FAM107B: variants seen among roughly 807,000 people sequenced by gnomAD.
The protein encoded by FAM107B is protein FAM107B.
A neutral mutation model predicts 31.5 loss-of-function variants in FAM107B; 21 were observed. The observed-to-expected ratio is 0.67, with a 90% CI of 0.47 to 0.96. The LOEUF is 0.96. Ranked by LOEUF, FAM107B falls within the 40% of genes least tolerant of loss-of-function variation. FAM107B has a pLI of 0.00. For synonymous variants in FAM107B, 157 were observed against 141.5 expected, an observed-to-expected ratio of 1.11 and a Z score of -0.78; for missense variants, 452 against 377.1, an observed-to-expected ratio of 1.20 and a Z score of -1.64.
At chr10:14,707,467 G>A (rs1161584434) in intron 1 of FAM107B, among the ~76,000 whole-genome samples, 1 of 152,182 alleles carries the variant, frequency 6.6e-6, no homozygotes, top group Non-Finnish European at 1.5e-5. Context: ...TGAGGCACAA[G>A]GACAAAAAGA....
chr10:14,655,323 G>A (rs1854018630), intron 2 of FAM107B, among the ~76,000 whole-genome samples: 1 of 152,224 alleles, frequency 6.6e-6, no homozygotes, highest in South Asian at 2.1e-4. Context: ...AACCATAGCA[G>A]TAGTAAGTAG....
chr10:14,716,035 T>C (rs1855771782), intron 1 of FAM107B, among the ~76,000 whole-genome samples: 1 of 152,192 alleles, frequency 6.6e-6, no homozygotes, highest in African/African-American at 2.4e-5. Context: ...ATATATAGAA[T>C]ATATACTTCT....
chr10:14,595,349 G>T (rs933740662), intron 2 of FAM107B, among the ~76,000 whole-genome samples: 1 of 150,406 alleles, frequency 6.6e-6, no homozygotes, highest in Non-Finnish European at 1.5e-5. Context: ...CAGCAAAAAT[G>T]ATTGAAAACG....
intron 2 of FAM107B, among the ~76,000 whole-genome samples, chr10:14,570,245 T>G (rs1001157008): frequency 6.6e-6 from 1 of 150,704 alleles, no homozygotes; most frequent in Admixed American, 6.6e-5. Context: ...TGTGTGTGTG[T>G]GTGTGTGTGT....
chr10:14,676,639 A>G (rs944636129), intron 1 of FAM107B, among the ~76,000 whole-genome samples: 3 of 152,030 alleles, frequency 2.0e-5, no homozygotes, highest in African/African-American at 7.3e-5. Flanking sequence ...CTCCGTCTGA[A>G]GCTCTACCCC....
chr10:14,524,053 G>A (rs561732289), intron 3 of FAM107B, among the ~76,000 whole-genome samples: 84 of 121,088 alleles, frequency 6.9e-4, no homozygotes, highest in African/African-American at 2.2e-3. Flanking sequence ...TTTTTTTTTC[G>A]TTTTTGAGAT....
intron 2 of FAM107B, among the ~76,000 whole-genome samples, chr10:14,657,518 C>A (rs183855289): frequency 2.0e-5 from 3 of 152,284 alleles, no homozygotes; most frequent in South Asian, 2.1e-4. Context: ...TTCACCCCCA[C>A]CCCTGGTCAC....
At chr10:14,735,118 C>T (rs1045181481) in intron 1 of FAM107B, among the ~76,000 whole-genome samples, 1 of 152,170 alleles carries the variant, frequency 6.6e-6, no homozygotes, top group Non-Finnish European at 1.5e-5. Context: ...CCTGTCCATT[C>T]CAGCGGATAA....
At chr10:14,726,144 C>G (rs1295208944) in intron 1 of FAM107B, among the ~76,000 whole-genome samples, 4 of 152,156 alleles carry the variant, frequency 2.6e-5, no homozygotes, top group Non-Finnish European at 5.9e-5. Flanking sequence ...CAGGCTTGCA[C>G]CACCACACCT....
At chr10:14,525,471 C>T (rs1299167248) in intron 3 of FAM107B, among the ~76,000 whole-genome samples, 1 of 152,206 alleles carries the variant, frequency 6.6e-6, no homozygotes, top group Non-Finnish European at 1.5e-5. Context: ...AAACCCTCTC[C>T]ATTAAACGAA....
intron 1 of FAM107B, chr10:14,723,669 A>C (rs1311484638): frequency 2.7e-6 from 2 of 741,458 alleles, no homozygotes; most frequent in African/African-American, 3.4e-5. Context: ...GCTGGCAGTC[A>C]GCTCTGGGGT....
At chr10:14,529,360 G>A (rs1846682981) in intron 3 of FAM107B, among the ~76,000 whole-genome samples, 3 of 152,160 alleles carry the variant, frequency 2.0e-5, no homozygotes, top group African/African-American at 7.2e-5. Flanking sequence ...TCTAGAGGGA[G>A]AAACGTATTT....
At chr10:14,568,279 A>C (rs941460000) in intron 2 of FAM107B, among the ~76,000 whole-genome samples, 2 of 150,676 alleles carry the variant, frequency 1.3e-5, no homozygotes, top group Non-Finnish European at 3.0e-5. Context: ...CAAGGGAGCC[A>C]AGGCAGCACT....
At chr10:14,740,101 GA>G (rs1442147252) in intron 1 of FAM107B, among the ~76,000 whole-genome samples, 1 of 152,182 alleles carries the variant, frequency 6.6e-6, no homozygotes, top group African/African-American at 2.4e-5. Context: ...ATATGATCCA[GA>G]AATCATGGTC....
chr10:14,661,872 C>T (rs1173895131), intron 2 of FAM107B, among the ~76,000 whole-genome samples: 2 of 152,198 alleles, frequency 1.3e-5, no homozygotes, highest in African/African-American at 4.8e-5. Flanking sequence ...CATAGTGAGG[C>T]TTCAATTTGT....
intron 2 of FAM107B, among the ~76,000 whole-genome samples, chr10:14,586,623 G>A (rs753225519): frequency 6.6e-6 from 1 of 152,140 alleles, no homozygotes; most frequent in Non-Finnish European, 1.5e-5. Context: ...TACAAAACAC[G>A]AAGGGAGCCC....
At chr10:14,542,684 G>T (rs932965698) in intron 2 of FAM107B, 1 of 152,198 alleles carries the variant, frequency 6.6e-6, no homozygotes, top group African/African-American at 2.4e-5. Flanking sequence ...GATCTTGAAA[G>T]AGCTCAGAAA....
chr10:14,772,309 G>A (rs1022800188), intron 1 of FAM107B, among the ~76,000 whole-genome samples: 5 of 151,548 alleles, frequency 3.3e-5, no homozygotes, highest in Non-Finnish European at 5.9e-5. Flanking sequence ...AGCCAAGATC[G>A]TGCCACTGCA....
At chr10:14,603,661 G>A (rs1852478441) in intron 2 of FAM107B, among the ~76,000 whole-genome samples, 1 of 152,246 alleles carries the variant, frequency 6.6e-6, no homozygotes, top group South Asian at 2.1e-4. Flanking sequence ...CCTTGTGTGT[G>A]TTACACCACC....
Sources: gnomAD v4.1 joint callset for allele counts (sites outside exome capture counted in the v4.1 genomes callset) on GRCh38, gnomAD v4.1.1 for gene constraint, MANE v1.5 for transcripts, NCBI Gene and HGNC (gene_info 2026-07-23, HGNC 2026-07-21) for gene names.